Variants in CSMD3 observed in about 807,000 individuals in gnomAD.
The protein encoded by CSMD3 is CUB and Sushi multiple domains 3, also known as CUB and sushi domain-containing protein 3.
CSMD3 carries 177 observed loss-of-function variants against 435.2 expected under a neutral mutation model. The observed-to-expected ratio is 0.41, with a 90% CI of 0.36 to 0.46. CSMD3 has a LOEUF of 0.46. Among genes scored for constraint, CSMD3 ranks in the 20% least tolerant of loss-of-function variants. CSMD3 has a pLI of 0.34. For synonymous variants in CSMD3, 1,656 were observed against 1,520.5 expected, an observed-to-expected ratio of 1.09 and a Z score of -2.07; for missense variants, 4,265 against 4,504.6, an observed-to-expected ratio of 0.95 and a Z score of 1.52.
At chr8:112,812,068 A>G (rs1166279535) in intron 12 of CSMD3, among the ~76,000 whole-genome samples, 1 of 152,142 alleles carries the variant, frequency 6.6e-6, no homozygotes, top group African/African-American at 2.4e-5. Flanking sequence ...CACACCAGGA[A>G]TATTAGGTGA....
At chr8:112,301,289 A>G (rs932276938) in intron 53 of CSMD3, among the ~76,000 whole-genome samples, 3 of 152,054 alleles carry the variant, frequency 2.0e-5, no homozygotes, top group African/African-American at 7.2e-5. Flanking sequence ...AGGGGAAAAC[A>G]TCCTAATTGC....
chr8:112,890,412 G>A (rs1029173785), intron 10 of CSMD3, among the ~76,000 whole-genome samples: 1 of 151,632 alleles, frequency 6.6e-6, no homozygotes, highest in Non-Finnish European at 1.5e-5. Context: ...ACCTATAATA[G>A]ATACAATTTC....
chr8:112,645,869 T>C lies in CSMD3; in HGVS notation c.3194-644A>G, dbSNP rs186444303. On this transcript the variant is annotated intron_variant, in intron 19 of 70. Coordinates refer to ENST00000297405, the MANE Select transcript of CSMD3 (RefSeq NM_198123.2). ...ATTCAACAGCTATCAGTGCTTATGG[T>C]ATGCCAGGCAATTCTATCAAAATTG... is the stretch of plus-strand genomic sequence containing the variant. 1.9e-3 allele frequency among the ~76,000 whole-genome samples: 296 copies of C among 152,306 alleles called. 3 individuals are homozygous for C. In the Middle Eastern group the frequency reaches 0.027, roughly 14 times the overall value.
intron 2 of CSMD3, among the ~76,000 whole-genome samples, chr8:113,286,160 CT>C (rs1302299542): frequency 6.6e-6 from 1 of 152,072 alleles, no homozygotes; most frequent in African/African-American, 2.4e-5. Context: ...TCATCAGAGG[CT>C]TTTGTTCCCT....
chr8:112,241,044 C>T (rs1427168031), intron 66 of CSMD3, among the ~76,000 whole-genome samples: 4 of 151,964 alleles, frequency 2.6e-5, no homozygotes, highest in Non-Finnish European at 2.9e-5. Context: ...AGTGTGAAAA[C>T]GAACTAATAC....
At chr8:112,465,728 A>G (rs1046506493) in intron 32 of CSMD3, among the ~76,000 whole-genome samples, 11 of 152,314 alleles carry the variant, frequency 7.2e-5, no homozygotes, top group South Asian at 2.1e-4. Flanking sequence ...TAATCCCAGC[A>G]TGTTGGAAGG....
chr8:112,230,389 A>G (rs1383213974), intron 69 of CSMD3, among the ~76,000 whole-genome samples: 1 of 152,228 alleles, frequency 6.6e-6, no homozygotes, highest in African/African-American at 2.4e-5. Context: ...AGTTACATTT[A>G]ACTAAACCTC....
intron 1 of CSMD3, among the ~76,000 whole-genome samples, chr8:113,389,170 G>A (rs559772683): frequency 6.6e-6 from 1 of 151,638 alleles, no homozygotes; most frequent in Non-Finnish European, 1.5e-5. Context: ...TAACAGCATG[G>A]AATAGACCAA....
intron 10 of CSMD3, among the ~76,000 whole-genome samples, chr8:112,889,722 A>C (rs538192396): frequency 6.6e-6 from 1 of 151,808 alleles, no homozygotes; most frequent in Admixed American, 6.6e-5. Context: ...AAAAAAATGT[A>C]TTTTTAACAT....
intron 11 of CSMD3, 129 bp from the exon 12 acceptor site, chr8:112,829,918 C>T (rs1359103954): frequency 2.2e-6 from 1 of 446,642 alleles, no homozygotes; most frequent in Non-Finnish European, 4.1e-6. Flanking sequence ...CACACACACA[C>T]ACACACACAA....
chr8:112,254,761 C>G (rs374991351), intron 62 of CSMD3, among the ~76,000 whole-genome samples: 1 of 151,714 alleles, frequency 6.6e-6, no homozygotes, highest in East Asian at 1.9e-4. Context: ...TTACTGACAC[C>G]CATAGGATAT....
rs2077339579 is a variant in CSMD3, at chr8:112,742,703, AT to A, written c.1973-52654del. Among the ~76,000 whole-genome samples, 3 of 151,956 alleles carry A rather than the reference AT, an allele frequency of 2.0e-5. No homozygotes were observed. The South Asian group carries it at 6.2e-4, about 31-fold the overall frequency. ...TGCCTGTCTCGATGATTGAAAAAAA[AT>A]ATCCCATAGCTGTACCTGATCATAA... On this transcript the variant is annotated intron_variant, in intron 13 of 70. Coordinates refer to ENST00000297405, the MANE Select transcript of CSMD3 (RefSeq NM_198123.2).
At chr8:113,098,011 G>A (rs934483775) in intron 5 of CSMD3, among the ~76,000 whole-genome samples, 7 of 151,940 alleles carry the variant, frequency 4.6e-5, no homozygotes, top group Non-Finnish European at 5.9e-5. Flanking sequence ...TTCCTACAGC[G>A]AATCGAGTCC....
chr8:113,405,329 G>A (rs573914307), intron 1 of CSMD3, among the ~76,000 whole-genome samples: 4 of 151,578 alleles, frequency 2.6e-5, no homozygotes, highest in East Asian at 3.9e-4. Context: ...TGAGAAGTAG[G>A]CAGACATGGA....
intron 31 of CSMD3, among the ~76,000 whole-genome samples, chr8:112,492,196 T>TTA (rs1820769590): frequency 6.6e-6 from 1 of 152,158 alleles, no homozygotes; most frequent in Admixed American, 6.5e-5. Flanking sequence ...CGTTTTCAGG[T>TTA]GCAAGTCCTG....
At position 112,282,304 on chromosome 8, in the gene CSMD3, A is replaced by G. The variant is rs1364974092; in HGVS notation, c.9332-954T>C. Among the ~76,000 whole-genome samples, 48 of 151,944 alleles carry G rather than the reference A, an allele frequency of 3.2e-4. 1 individual carries two copies. The highest frequency in any genetic ancestry group is 5.9e-5 in the Non-Finnish European group (4 of 67,948). ...TAGGCAAGAACCTTATCCATTTTAC[A>G]TATATACATAAAAATCAAACTCTAG... On this transcript the variant is annotated intron_variant, in intron 58 of 70. Transcript: ENST00000297405.
At chr8:113,213,073 G>T (rs534738970) in intron 3 of CSMD3, among the ~76,000 whole-genome samples, 84 of 151,776 alleles carry the variant, frequency 5.5e-4, no homozygotes, top group Non-Finnish European at 1.1e-3. Context: ...TACAGGATCT[G>T]AATATTATTT....
chr8:112,439,495 C>T (rs551261868), intron 32 of CSMD3, among the ~76,000 whole-genome samples: 79 of 152,028 alleles, frequency 5.2e-4, no homozygotes, highest in Middle Eastern at 3.4e-3. Context: ...AGCATAAAGG[C>T]ATATAATCTG....
chr8:113,190,655 C>T lies in CSMD3; in HGVS notation c.515-16739G>A, dbSNP rs192546616. ...ATGTTTTTAGCATTATAAATTATTT[C>T]CTTATGGTGGAAAAGAAAGATTTAC... On this transcript the variant is annotated intron_variant, in intron 3 of 70. Transcript: ENST00000297405. Among the ~76,000 whole-genome samples the T allele has an allele frequency of 4.1e-3, 620 of 150,828 alleles. 6 individuals carry two copies. The highest frequency in any genetic ancestry group is 5.7e-3 in the Non-Finnish European group (389 of 67,710).
Sources: allele counts gnomAD v4.1 joint callset (sites outside exome capture counted in the v4.1 genomes callset), GRCh38; gene constraint gnomAD v4.1.1; transcripts MANE v1.5; gene names NCBI Gene and HGNC (gene_info 2026-07-23, HGNC 2026-07-21).